IFTAP: variants seen among roughly 807,000 people sequenced by gnomAD.
The protein encoded by IFTAP is intraflagellar transport associated protein, also known as intraflagellar transport-associated protein.
A neutral mutation model predicts 19.4 loss-of-function variants in IFTAP; 19 were observed. The ratio of observed to expected loss-of-function variants is 0.98; its 90% CI spans 0.68 to 1.44. The LOEUF is 1.44. Among genes scored for constraint, IFTAP ranks in the 40% most tolerant of loss-of-function variants. The probability of loss-of-function intolerance (pLI) is 0.00; values close to 1 mark genes in which losing one functional copy is unlikely to be tolerated. For synonymous variants in IFTAP, 85 were observed against 83.5 expected (o/e 1.02, Z -0.10); for missense variants, 240 against 253.6 (o/e 0.95, Z 0.36).
At chr11:36,601,665 T>C (rs900328982) in intron 1 of IFTAP, among the ~76,000 whole-genome samples, 4 of 152,184 alleles carry the variant, frequency 2.6e-5, no homozygotes, top group Non-Finnish European at 5.9e-5. Context: ...ATTTATTGAT[T>C]TTTTTGGAGA....
Position 36,659,263 on chromosome 11 carries a change from C to A in IFTAP, c.*77C>A, listed in dbSNP as rs973044928. On this transcript the variant is annotated 3_prime_UTR_variant, in exon 6 of 6. Transcript: ENST00000334307. The stretch of plus-strand genomic sequence containing the variant: ...TAGCAACATTAGAATAAAAGATAAA[C>A]CTACTATAATTCCCTTTGTGGAAAT... 5.4e-6 allele frequency: 7 copies of A among 1,293,796 alleles called. No homozygotes were observed. The African/African-American group carries it at 9.2e-5, about 17-fold the overall frequency. The allele number at this position is 1,293,796 out of a possible 1,614,324, so 80.1% of individuals were successfully genotyped here.
At chr11:36,622,400 C>T (rs1284739713) in intron 2 of IFTAP, among the ~76,000 whole-genome samples, 3 of 152,022 alleles carry the variant, frequency 2.0e-5, no homozygotes, top group South Asian at 2.1e-4. Flanking sequence ...CATGATCTTA[C>T]GGTGAAGGAA....
chr11:36,652,275 G>T (rs2051140011), intron 5 of IFTAP, among the ~76,000 whole-genome samples: 1 of 152,150 alleles, frequency 6.6e-6, no homozygotes, highest in South Asian at 2.1e-4. Context: ...CACGTCCCTT[G>T]TAAGTTGGAT....
At chr11:36,652,802 T>G (rs1414241361) in intron 5 of IFTAP, among the ~76,000 whole-genome samples, 1 of 152,126 alleles carries the variant, frequency 6.6e-6, no homozygotes, top group Non-Finnish European at 1.5e-5. Flanking sequence ...CTGCATCTAT[T>G]GAGATAATCA....
chr11:36,636,165 C>T, intron 4 of IFTAP, 48 bp downstream of exon 4: 8 of 1,414,392 alleles, frequency 5.7e-6, no homozygotes, highest in Non-Finnish European at 8.0e-6. Flanking sequence ...TTTCTAGAAA[C>T]TACAAATAAG....
intron 1 of IFTAP, among the ~76,000 whole-genome samples, chr11:36,597,036 G>A (rs1325569840): frequency 6.6e-6 from 1 of 152,120 alleles, no homozygotes; most frequent in East Asian, 1.9e-4. Flanking sequence ...AAAAACAGTG[G>A]TAAAGTTTCT....
At chr11:36,651,770 T>G (rs138245319) in intron 5 of IFTAP, among the ~76,000 whole-genome samples, 20,590 of 152,204 alleles carry the variant, frequency 0.14, 2,135 homozygotes, top group African/African-American at 0.29. Context: ...TTTCTACATA[T>G]GGCTAGCCAG....
chr11:36,610,340 T>A (rs1851837375), intron 2 of IFTAP, 101 bp downstream of exon 2: 2 of 1,106,352 alleles, frequency 1.8e-6, no homozygotes, highest in South Asian at 3.3e-5. Flanking sequence ...TAGTGAACAT[T>A]CATTCCATTC....
At chr11:36,653,816 G>A (rs1280663282) in intron 5 of IFTAP, among the ~76,000 whole-genome samples, 1 of 152,168 alleles carries the variant, frequency 6.6e-6, no homozygotes, top group African/African-American at 2.4e-5. Context: ...GCCGAGCTCA[G>A]TGCCATGCAT....
chr11:36,651,756 C>A (rs1316343945), intron 5 of IFTAP, among the ~76,000 whole-genome samples: 2 of 152,182 alleles, frequency 1.3e-5, no homozygotes, highest in Non-Finnish European at 2.9e-5. Flanking sequence ...GATCCTGTTT[C>A]AGCTTTCTAC....
intron 1 of IFTAP, among the ~76,000 whole-genome samples, chr11:36,596,204 T>C (rs1851223770): frequency 6.7e-6 from 1 of 148,670 alleles, no homozygotes. Flanking sequence ...TCTAATGAGA[T>C]GGTAGTGTTT....
intron 4 of IFTAP, among the ~76,000 whole-genome samples, chr11:36,637,403 C>T (rs777931980): frequency 2.0e-5 from 3 of 152,142 alleles, no homozygotes; most frequent in African/African-American, 4.8e-5. Context: ...GGGAGAGGTT[C>T]TCTAACTTTA....
intron 4 of IFTAP, among the ~76,000 whole-genome samples, chr11:36,643,941 A>T (rs1853348055): frequency 6.6e-6 from 1 of 152,236 alleles, no homozygotes; most frequent in South Asian, 2.1e-4. Flanking sequence ...GGCATGGGCA[A>T]GGACTTCATG....
At chr11:36,616,088 A>G (rs1465145928) in intron 2 of IFTAP, among the ~76,000 whole-genome samples, 1 of 151,962 alleles carries the variant, frequency 6.6e-6, no homozygotes, top group African/African-American at 2.4e-5. Context: ...AAATCTTTTC[A>G]ACTCCATTTT....
In IFTAP at chr11:36,644,353, G is replaced by A. The variant is rs562363016; in HGVS notation, c.359-3663G>A. 3.9e-5 allele frequency among the ~76,000 whole-genome samples: 6 copies of A among 152,190 alleles called. No homozygotes were observed. In the East Asian group the frequency reaches 5.8e-4, roughly 15 times the overall value. On this transcript the variant is annotated intron_variant, in intron 4 of 5. Transcript: ENST00000334307. ...TCATTAAAAAGTCAGGAAACAACAG[G>A]TGCTGGAGAGGATGTGGAGAAATAG...
In IFTAP at chr11:36,659,192, A is replaced by G. The variant is rs755174937; in HGVS notation, c.*6A>G. ...TAGAGAAATCCTGTGACTGATTCAC[A>G]GAGGCATTTTGTGTGTGTGTGCTTA... On this transcript the variant is annotated 3_prime_UTR_variant, in exon 6 of 6. Transcript: ENST00000334307. 1.3e-6 allele frequency: 2 copies of G among 1,567,412 alleles called. No homozygotes were observed. The highest frequency in any genetic ancestry group is 2.4e-5 in the South Asian group (2 of 81,772).
intron 5 of IFTAP, among the ~76,000 whole-genome samples, chr11:36,652,467 T>G (rs2082145595): frequency 6.6e-6 from 1 of 152,020 alleles, no homozygotes; most frequent in African/African-American, 2.4e-5. Flanking sequence ...GACGATGGGG[T>G]TTTCTAGATA....
At chr11:36,635,826 T>G (rs1852925397) in intron 3 of IFTAP, among the ~76,000 whole-genome samples, 1 of 152,224 alleles carries the variant, frequency 6.6e-6, no homozygotes, top group Admixed American at 6.5e-5. Context: ...GGCCTGACTA[T>G]GGTGCCTACA....
intron 5 of IFTAP, among the ~76,000 whole-genome samples, chr11:36,657,528 G>A (rs114105802): frequency 0.012 from 1,863 of 152,268 alleles, 32 homozygotes; most frequent in African/African-American, 0.043. Context: ...TTTAGAAAAG[G>A]TCTTCTCTCC....
Sources: allele counts gnomAD v4.1 joint callset (sites outside exome capture counted in the v4.1 genomes callset), GRCh38; gene constraint gnomAD v4.1.1; transcripts MANE v1.5; gene names NCBI Gene and HGNC (gene_info 2026-07-23, HGNC 2026-07-21).